Variants in CLPTM1L observed in about 807,000 individuals in gnomAD.
The protein encoded by CLPTM1L is lipid scramblase CLPTM1L.
CLPTM1L carries 38 observed loss-of-function variants against 70.9 expected under a neutral mutation model. The observed-to-expected ratio is 0.54, with a 90% CI of 0.41 to 0.70. The LOEUF (loss-of-function observed/expected upper bound fraction) is 0.70. Ranked by LOEUF, CLPTM1L falls within the 30% of genes least tolerant of loss-of-function variation. The probability of loss-of-function intolerance (pLI) is 0.00; values close to 1 mark genes in which losing one functional copy is unlikely to be tolerated. For synonymous variants in CLPTM1L, 339 were observed against 299.9 expected (o/e 1.13, Z -1.35); for missense variants, 652 against 705.9 (o/e 0.92, Z 0.87).
chr5:1,339,311 C>T (rs995655130), intron 3 of CLPTM1L, among the ~76,000 whole-genome samples: 4 of 148,334 alleles, frequency 2.7e-5, no homozygotes, highest in Admixed American at 1.3e-4. Context: ...GCAAACTGTG[C>T]CCGGGACAGC....
rs1466968891 is a variant in CLPTM1L, at chr5:1,318,860, C to T, written c.1533-407G>A. Among the ~76,000 whole-genome samples the T allele has an allele frequency of 1.1e-4, 16 of 152,298 alleles. No homozygotes were observed. Among genetic ancestry groups the T allele is most frequent in the Non-Finnish European group, 1.8e-4 (12 of 68,032 alleles). Reference sequence around the variant, plus strand: ...CTGTGAACACTTGGCAGGACACTGCCGCCGCCTTTGATCCTGAGCGCCCCG... The same window carrying T: ...CTGTGAACACTTGGCAGGACACTGCTGCCGCCTTTGATCCTGAGCGCCCCG... On this transcript the variant is annotated intron_variant, in intron 16 of 16. Transcript: ENST00000320895. This position sits in a 1 kb window ranked among gnomAD's most constrained non-coding sequence, Gnocchi z 8.9.
intron 9 of CLPTM1L, among the ~76,000 whole-genome samples, chr5:1,328,935 GGGACATTCCATCCAGCTCCTCCTCT>G (rs1752869035): frequency 1.3e-5 from 2 of 150,830 alleles, no homozygotes; most frequent in Non-Finnish European, 2.9e-5. Context: ...CTCCTCTACA[GGGACATTCCATCCAGCTCCTCCTCT>G]ACAGACACAT....
chr5:1,341,679 C>T lies in CLPTM1L; in HGVS notation c.445G>A (p.Asp149Asn). 4 of 1,606,800 alleles carry T rather than the reference C, an allele frequency of 2.5e-6. No individual in the cohort carries two copies. Among genetic ancestry groups the T allele is most frequent in the Non-Finnish European group, 3.4e-6 (4 of 1,174,132 alleles). Residue 149 changes from aspartate (D) to asparagine (N), a missense_variant, in exon 3 of 17, where the codon GAT becomes AAT. Asp to Asn is a conservative substitution (Grantham distance 23). Transcript: ENST00000320895. Reference sequence around the variant, plus strand: ...CCCATGAAGACCCTCACCTGTGTATCAGACTCCCCGGTGAGCAGGTTGATT... The same window carrying T: ...CCCATGAAGACCCTCACCTGTGTATTAGACTCCCCGGTGAGCAGGTTGATT... Reference protein sequence around the residue: ...EEINLLTGESDTQQIEAEKKP... With the variant: ...EEINLLTGESNTQQIEAEKKP...
rs752031852 is a variant in CLPTM1L at position 1,344,746 on chromosome 5, G to A, written c.96C>T (p.Tyr32=). 6.2e-7 allele frequency: 1 copy of A among 1,602,674 alleles called. No individual in the cohort carries two copies. Among genetic ancestry groups the A allele is most frequent in the South Asian group, 1.1e-5 (1 of 89,130 alleles). ...HTCWVMYGIV[Y]TRPCSGDANC... ...TGGCGTCGCCGGAGCACGGGCGGGT[G>A]TAGACGATGCCGTACATGACCCAGC... Residue 32 remains tyrosine (Y), a synonymous_variant, in exon 1 of 17, where the codon TAC becomes TAT. Coordinates refer to ENST00000320895, the MANE Select transcript of CLPTM1L (RefSeq NM_030782.5).
chr5:1,325,784 A>G lies in CLPTM1L; in HGVS notation c.1113T>C (p.Thr371=). The part of the protein sequence containing the change: ...LWKVKKALKM[T]IFWRGLMPEF... ...CGGGCATCAGGCCTCTCCAAAAAATAGTCATCTTCAATGCCTTCTTCACTT... is the reference window on the plus strand; with the variant it reads ...CGGGCATCAGGCCTCTCCAAAAAATGGTCATCTTCAATGCCTTCTTCACTT... Residue 371 remains threonine, a synonymous_variant, in exon 10 of 17, where the codon ACT becomes ACC. Coordinates refer to ENST00000320895, the MANE Select transcript of CLPTM1L (RefSeq NM_030782.5). 6.2e-7 allele frequency: 1 copy of G among 1,614,048 alleles called. No individual in the cohort carries two copies. The highest frequency in any genetic ancestry group is 2.2e-5 in the East Asian group (1 of 44,892).
intron 12 of CLPTM1L, 138 bp downstream of exon 12, chr5:1,323,649 G>T: frequency 1.5e-6 from 1 of 672,738 alleles, no homozygotes. Context: ...CAGCTGCAGG[G>T]GCAGGACCCC....
chr5:1,336,043 GA>G (rs374476020), intron 5 of CLPTM1L, among the ~76,000 whole-genome samples: 88 of 152,378 alleles, frequency 5.8e-4, no homozygotes, highest in African/African-American at 2.0e-3. Flanking sequence ...GGGTGTGGTG[GA>G]ATCAGAGCCA....
At chr5:1,327,218 TACAG>T (rs1344783723) in intron 9 of CLPTM1L, among the ~76,000 whole-genome samples, 1 of 141,188 alleles carries the variant, frequency 7.1e-6, no homozygotes, top group Non-Finnish European at 1.5e-5. Flanking sequence ...GCTCCTCCTC[TACAG>T]ACACATTTCA....
intron 9 of CLPTM1L, among the ~76,000 whole-genome samples, chr5:1,327,166 C>G (rs1408862602): frequency 1.9e-4 from 27 of 143,804 alleles, no homozygotes; most frequent in Non-Finnish European, 2.7e-4. Context: ...CCTCTACAGG[C>G]ACATTCCATC....
At chr5:1,330,601 A>T (rs1561240156) in intron 8 of CLPTM1L, 2 of 539,952 alleles carry the variant, frequency 3.7e-6, no homozygotes, top group South Asian at 5.2e-5. Flanking sequence ...CTGGCCCCAC[A>T]CCAGCTCCAC....
At chr5:1,332,898 G>A (rs1233190156) in intron 7 of CLPTM1L, among the ~76,000 whole-genome samples, 3 of 152,344 alleles carry the variant, frequency 2.0e-5, no homozygotes, top group Non-Finnish European at 4.4e-5. Context: ...CCCTGAGGAT[G>A]AGGGACTACT....
chr5:1,322,483 T>G (rs895031976), intron 13 of CLPTM1L, among the ~76,000 whole-genome samples: 7 of 152,228 alleles, frequency 4.6e-5, no homozygotes, highest in Admixed American at 1.3e-4. Flanking sequence ...GTGGATGGTG[T>G]TGTTTTAATG....
At position 1,342,036 on chromosome 5, in the gene CLPTM1L, G is replaced by A. The variant is rs1753971537; in HGVS notation, c.264-176C>T. On this transcript the variant is annotated intron_variant, in intron 2 of 16. Coordinates refer to ENST00000320895, the MANE Select transcript of CLPTM1L (RefSeq NM_030782.5). The surrounding 1 kb of genome is among the most constrained non-coding windows in gnomAD (Gnocchi z 4.3). Reference sequence around the variant, plus strand: ...TGTGTGTGTGTGTGTGTGTGTGTGTGTGTGCACGCGCACGCGTGCGCGTCC... The same window carrying A: ...TGTGTGTGTGTGTGTGTGTGTGTGTATGTGCACGCGCACGCGTGCGCGTCC... 7.3e-6 allele frequency among the ~76,000 whole-genome samples: 1 copy of A among 136,590 alleles called. No homozygotes were observed. Among genetic ancestry groups the A allele is most frequent in the East Asian group, 2.0e-4 (1 of 5,094 alleles). 89.6% of individuals were successfully genotyped at this position (136,590 alleles called of 152,430 possible). A position where few individuals can be genotyped will look rare whatever the true frequency, so the allele number is the denominator to read the frequency against.
chr5:1,331,623 T>C (rs767524073), intron 8 of CLPTM1L, 176 bp downstream of exon 8: 3 of 614,976 alleles, frequency 4.9e-6, no homozygotes, highest in South Asian at 1.9e-5. Flanking sequence ...CCCACCACAA[T>C]TGCCGCAACG....
At chr5:1,325,034 GGCA>G (rs1007432009) in intron 10 of CLPTM1L, 8 of 597,220 alleles carry the variant, frequency 1.3e-5, no homozygotes, top group African/African-American at 1.3e-4. Context: ...GCCTGATGGG[GGCA>G]ACGCGGCCTC....
chr5:1,344,544 C>G, intron 1 of CLPTM1L, 93 bp from the exon 2 acceptor site: 1 of 1,465,054 alleles, frequency 6.8e-7, no homozygotes, highest in Non-Finnish European at 9.4e-7. Flanking sequence ...AAGACCTGGC[C>G]GCTGGGGAAC....
Position 1,318,440 on chromosome 5 carries a change from C to G in CLPTM1L, c.1546G>C (p.Asp516His). Reference sequence around the variant, plus strand: ...CCAAACTCGTTCACTCTGCGTTTATCCACAGGATAAAGCCTGCAATGACAC... The same window carrying G: ...CCAAACTCGTTCACTCTGCGTTTATGCACAGGATAAAGCCTGCAATGACAC... ...YLYQRWLYPV[D>H]KRRVNEFGES... Residue 516 changes from aspartate (D) to histidine (H), a missense_variant, in exon 17 of 17, where the codon GAT becomes CAT. Coordinates refer to ENST00000320895, the MANE Select transcript of CLPTM1L (RefSeq NM_030782.5). This position sits in a 1 kb window ranked among gnomAD's most constrained non-coding sequence, Gnocchi z 8.9. 1.2e-6 allele frequency: 2 copies of G among 1,613,788 alleles called. No individual in the cohort carries two copies. The highest frequency in any genetic ancestry group is 1.7e-6 in the Non-Finnish European group (2 of 1,179,932).
At chr5:1,339,085 G>T in intron 3 of CLPTM1L, 80 bp from the exon 4 acceptor site, 1 of 1,489,308 alleles carries the variant, frequency 6.7e-7, no homozygotes. Context: ...CCTAACCTGC[G>T]AACAGAACGG....
At chr5:1,322,949 A>G (rs1752247549) in intron 12 of CLPTM1L, 38 bp from the exon 13 acceptor site, 1 of 1,561,502 alleles carries the variant, frequency 6.4e-7, no homozygotes, top group Non-Finnish European at 8.8e-7. Flanking sequence ...TATTTCTCGC[A>G]TAGCTTAATA....
Sources: gnomAD v4.1 joint callset for allele counts (sites outside exome capture counted in the v4.1 genomes callset) on GRCh38, gnomAD v4.1.1 for gene constraint, Gnocchi (gnomAD v3.1) non-coding constraint, MANE v1.5 for transcripts, NCBI Gene and HGNC (gene_info 2026-07-23, HGNC 2026-07-21) for gene names.